Variants in ULK2 observed in about 807,000 individuals in gnomAD.
The protein encoded by ULK2 is unc-51 like autophagy activating kinase 2, also known as serine/threonine-protein kinase ULK2.
Under a neutral mutation model 127.5 loss-of-function variants are expected in ULK2, and 76 were observed. The ratio of observed to expected loss-of-function variants is 0.60; its 90% CI spans 0.50 to 0.72. ULK2 has a LOEUF of 0.72. Ranked by LOEUF, ULK2 falls within the 30% of genes least tolerant of loss-of-function variation. The pLI is 0.00. For missense variants in ULK2, 1,144 were observed against 1,295.9 expected, an observed-to-expected ratio of 0.88 and a Z score of 1.80; for synonymous variants, 452 against 461.9, an observed-to-expected ratio of 0.98 and a Z score of 0.28.
chr17:19,816,717 A>G, intron 13 of ULK2, 32 bp downstream of exon 13: 1 of 1,503,326 alleles, frequency 6.7e-7, no homozygotes, highest in Non-Finnish European at 8.8e-7. Flanking sequence ...AGATTAAGAA[A>G]TACAATGTGT....
intron 22 of ULK2, among the ~76,000 whole-genome samples, chr17:19,782,706 A>T (rs1411887916): frequency 1.3e-5 from 2 of 152,140 alleles, no homozygotes; most frequent in East Asian, 3.9e-4. Context: ...ACCTGAGGTC[A>T]GGAGTTTGAG....
At position 19,826,183 on chromosome 17, in the gene ULK2, G is replaced by T. The variant is rs145885221; in HGVS notation, c.791C>A (p.Ala264Glu). Residue 264 changes from alanine (A) to glutamate (E), a missense_variant, in exon 11 of 27, where the codon GCA (alanine) becomes GAA (glutamate). Transcript: ENST00000395544. ...CTCAAGAAAAGGATGGCTAAAAAAT[G>T]CTTCTGTAACAAGAAATGAGAATGC... The part of the protein sequence containing the change: ...RNQKDRMDFE[A>E]FFSHPFLEQG... 9.6e-5 allele frequency: 139 copies of T among 1,448,118 alleles called. No homozygotes were observed. The highest frequency in any genetic ancestry group is 1.2e-4 in the Non-Finnish European group (133 of 1,086,060). The allele number at this position is 1,448,118 out of a possible 1,614,324, so 89.7% of individuals were successfully genotyped here.
At chr17:19,785,831 G>A in intron 21 of ULK2, 106 bp downstream of exon 21, 1 of 1,343,242 alleles carries the variant, frequency 7.4e-7, no homozygotes, top group Non-Finnish European at 9.9e-7. Context: ...AGAAACTGAA[G>A]CCCAGAGAAT....
chr17:19,814,431 TA>T (rs1156841037), intron 13 of ULK2, among the ~76,000 whole-genome samples: 33 of 16,450 alleles, frequency 2.0e-3, no homozygotes, highest in Admixed American at 4.6e-3. Flanking sequence ...TATATATATA[TA>T]TATATATTTT....
chr17:19,826,139 ATTTT>A lies in ULK2; in HGVS notation c.831_834del (p.Lys277AsnfsTer130). On this transcript the variant is annotated frameshift_variant and splice_region_variant, in exon 11 of 27. Coordinates refer to ENST00000395544, the MANE Select transcript of ULK2 (RefSeq NM_014683.4). LOFTEE classifies it high-confidence loss of function. ...GAAAATACAAAAAATGGATACTCAC[ATTTT>A]TTTACTGGACCTTGCTCAAGAAAAG... The A allele has an allele frequency of 6.9e-7, 1 of 1,450,108 alleles. No homozygotes were observed. The highest frequency in any genetic ancestry group is 9.2e-7 in the Non-Finnish European group (1 of 1,089,712). 89.8% of individuals were successfully genotyped at this position (1,450,108 alleles called of 1,614,324 possible).
Position 19,825,082 on chromosome 17 carries a change from A to T in ULK2, c.924+12T>A, listed in dbSNP as rs749265275. On this transcript the variant is annotated intron_variant, in intron 12 of 26. Coordinates refer to ENST00000395544, the MANE Select transcript of ULK2 (RefSeq NM_014683.4). Reference sequence around the variant, plus strand: ...CTAACTCTGAAATTATTTTTAATAAACTGTAACTTACTGGTGGAGAAGCAA... The same window carrying T: ...CTAACTCTGAAATTATTTTTAATAATCTGTAACTTACTGGTGGAGAAGCAA... 2.5e-6 allele frequency: 4 copies of T among 1,612,374 alleles called. No homozygotes were observed. In the Admixed American group the frequency reaches 6.7e-5, roughly 27 times the overall value.
In ULK2 at chr17:19,783,741, T is replaced by C. The variant is rs377670804; in HGVS notation, c.2416A>G (p.Ile806Val). The change falls in exon 22 of 27, where the codon ATC (isoleucine) becomes GTC (valine). Residue 806 changes from isoleucine (I) to valine (V), a missense_variant. Around this residue, in one of 2 missense-constraint regions of ULK2, gnomAD observed 913 missense variants for 970.5 expected, o/e 0.94. Coordinates refer to ENST00000395544, the MANE Select transcript of ULK2 (RefSeq NM_014683.4). ...GASPPSLEGL[I>V]TFEAPELPEE... ...GGCAGTTCAGGGGCTTCAAAGGTGA[T>C]GAGCCCCTCTAGGCTGGGGGGTGAA... 5 of 1,593,562 alleles carry C rather than the reference T, an allele frequency of 3.1e-6. No homozygotes were observed. The highest frequency in any genetic ancestry group is 1.7e-4 in the Middle Eastern group (1 of 6,038).
At chr17:19,813,637 T>G (rs2040896251) in intron 13 of ULK2, among the ~76,000 whole-genome samples, 1 of 152,168 alleles carries the variant, frequency 6.6e-6, no homozygotes, top group Admixed American at 6.6e-5. Context: ...CAATGAGGAC[T>G]GAGAACTGAC....
chr17:19,830,314 C>G (rs112154237), intron 10 of ULK2, among the ~76,000 whole-genome samples: 4,694 of 152,132 alleles, frequency 0.031, 229 homozygotes, highest in African/African-American at 0.11. Flanking sequence ...ATCCCTCTTA[C>G]CTCAGACTCC....
intron 9 of ULK2, chr17:19,840,455 T>C: frequency 2.1e-6 from 1 of 468,570 alleles, no homozygotes; most frequent in South Asian, 1.7e-5. Flanking sequence ...CTGACATGGA[T>C]AGAAAAGAAA....
chr17:19,856,885 G>C (rs929729500), intron 3 of ULK2, among the ~76,000 whole-genome samples: 6 of 142,430 alleles, frequency 4.2e-5, no homozygotes, highest in African/African-American at 1.6e-4. Flanking sequence ...GCTGAGGTGG[G>C]AGAATAGTGT....
intron 3 of ULK2, among the ~76,000 whole-genome samples, chr17:19,854,258 AC>A (rs1345769166): frequency 2.0e-5 from 3 of 151,156 alleles, no homozygotes; most frequent in Non-Finnish European, 4.4e-5. Flanking sequence ...AGCCTGGGCA[AC>A]AGAGATTCCA....
chr17:19,810,582 T>C (rs1202490981), intron 13 of ULK2, 144 bp from the exon 14 acceptor site: 6 of 563,078 alleles, frequency 1.1e-5, no homozygotes, highest in Non-Finnish European at 1.6e-5. Flanking sequence ...TAAGAAATAA[T>C]AGATGACCTC....
intron 10 of ULK2, among the ~76,000 whole-genome samples, chr17:19,831,688 G>T (rs571112531): frequency 6.6e-6 from 1 of 151,660 alleles, no homozygotes; most frequent in East Asian, 2.0e-4. Flanking sequence ...TTAGCCGGGC[G>T]TGGTGGTGGG....
rs1037040020 is a variant in ULK2, at chr17:19,780,509, G to A, written c.2879C>T (p.Thr960Ile). 1.9e-6 allele frequency: 3 copies of A among 1,613,304 alleles called. No homozygotes were observed. Among genetic ancestry groups the A allele is most frequent in the African/African-American group, 2.7e-5 (2 of 74,924 alleles). The change falls in exon 25 of 27, where the codon ACT becomes ATT. Residue 960 changes from threonine to isoleucine, a missense_variant. Physicochemically the swap from Thr to Ile is moderately conservative, Grantham distance 89. This residue lies in a region of ULK2 where 913 missense variants were observed against 970.5 expected (regional missense o/e 0.94). Coordinates refer to ENST00000395544, the MANE Select transcript of ULK2 (RefSeq NM_014683.4). ...ACAATTATAGATGAGTTTCTCTGCA[G>A]TCACACTGTTGATTTCATCAATAAA... ...QRFIDEINSVTAEKLIYNCAV... is the reference protein window; with the variant it reads ...QRFIDEINSVIAEKLIYNCAV...
intron 4 of ULK2, 104 bp from the exon 5 acceptor site, chr17:19,849,509 T>C (rs1051072520): frequency 1.7e-6 from 2 of 1,184,506 alleles, no homozygotes; most frequent in African/African-American, 3.1e-5. Context: ...TAATGTCATG[T>C]AAATATAGCC....
At chr17:19,860,433 G>C (rs1192924758) in intron 3 of ULK2, among the ~76,000 whole-genome samples, 1 of 151,730 alleles carries the variant, frequency 6.6e-6, no homozygotes, top group East Asian at 1.9e-4. Flanking sequence ...TGTACCCCTT[G>C]ATGAACAATT....
At chr17:19,788,995 G>A (rs2087094878) in intron 20 of ULK2, among the ~76,000 whole-genome samples, 1 of 152,192 alleles carries the variant, frequency 6.6e-6, no homozygotes. Flanking sequence ...CTCTGGACAT[G>A]CCTGGTGCCT....
rs151157416 is a variant in ULK2, at chr17:19,781,975, A to C, written c.2553T>G (p.Pro851=). 2.3e-4 allele frequency: 371 copies of C among 1,614,224 alleles called. No individual in the cohort carries two copies. In the African/African-American group the frequency reaches 3.7e-3, roughly 16 times the overall value. The change falls in exon 23 of 27, where the codon CCT becomes CCG. Residue 851 remains proline, a synonymous_variant. Transcript: ENST00000395544. The part of the protein sequence containing the change: ...LDLTAMRGGN[P]ELCTSAVSLY... ...AGGACACAGCAGATGTGCACAGCTC[A>C]GGGTTTCCTCCCCTCATGGCTGTCA...
Sources: gnomAD v4.1 joint callset for allele counts (sites outside exome capture counted in the v4.1 genomes callset) on GRCh38, gnomAD v4.1.1 for gene constraint, gnomAD v4.1.1 regional missense constraint, MANE v1.5 for transcripts, NCBI Gene and HGNC (gene_info 2026-07-23, HGNC 2026-07-21) for gene names.